LAMA2: variants seen among roughly 807,000 people sequenced by gnomAD.
The protein encoded by LAMA2 is laminin subunit alpha-2.
LAMA2 carries 269 observed loss-of-function variants against 364.8 expected under a neutral mutation model. The observed-to-expected ratio is 0.74, with a 90% CI of 0.67 to 0.82. LAMA2 has a LOEUF of 0.82. Ranked by LOEUF, LAMA2 falls within the 40% of genes least tolerant of loss-of-function variation. The pLI, the probability that LAMA2 is intolerant of heterozygous loss-of-function variation, is 0.00. For missense variants in LAMA2, 3,807 were observed against 3,873.2 expected, an observed-to-expected ratio of 0.98 and a Z score of 0.45; for synonymous variants, 1,379 against 1,370.6, an observed-to-expected ratio of 1.01 and a Z score of -0.14.
At chr6:129,293,800 A>T (rs973225679) in intron 20 of LAMA2, among the ~76,000 whole-genome samples, 2 of 152,216 alleles carry the variant, frequency 1.3e-5, no homozygotes, top group African/African-American at 4.8e-5. Flanking sequence ...GGAAATAAAA[A>T]GTAAAGAAGA....
intron 33 of LAMA2, among the ~76,000 whole-genome samples, chr6:129,367,068 A>G (rs898175175): frequency 6.6e-6 from 1 of 152,262 alleles, no homozygotes; most frequent in African/African-American, 2.4e-5. Context: ...ACACATGATT[A>G]GAATCTTGTA....
At chr6:129,196,967 G>A (rs752744103) in intron 12 of LAMA2, among the ~76,000 whole-genome samples, 3 of 152,046 alleles carry the variant, frequency 2.0e-5, no homozygotes, top group Non-Finnish European at 4.4e-5. Flanking sequence ...GGGAAGGGAC[G>A]ATTACACATT....
chr6:128,912,394 C>T (rs148932906), intron 1 of LAMA2, among the ~76,000 whole-genome samples: 1 of 152,168 alleles, frequency 6.6e-6, no homozygotes, highest in African/African-American at 2.4e-5. Context: ...TAAAAGTTGG[C>T]TCTATAGGGA....
chr6:129,289,429 G>A (rs1213437223), intron 19 of LAMA2, among the ~76,000 whole-genome samples: 3 of 152,112 alleles, frequency 2.0e-5, no homozygotes, highest in African/African-American at 4.8e-5. Context: ...TATCCAGTGA[G>A]TTCCCAAGTC....
chr6:129,450,382 C>T (rs924451995), intron 45 of LAMA2, among the ~76,000 whole-genome samples: 7 of 152,070 alleles, frequency 4.6e-5, no homozygotes, highest in South Asian at 2.1e-4. Context: ...TACAGTGGCA[C>T]GATCTCAGCT....
intron 41 of LAMA2, among the ~76,000 whole-genome samples, chr6:129,433,896 C>A (rs565909854): frequency 6.6e-6 from 1 of 152,262 alleles, no homozygotes; most frequent in Non-Finnish European, 1.5e-5. Context: ...CCAGCACTTT[C>A]TCATACATCT....
At chr6:128,987,126 G>GTTTTTTT (rs377549921) in intron 1 of LAMA2, among the ~76,000 whole-genome samples, 6 of 121,180 alleles carry the variant, frequency 5.0e-5, no homozygotes, top group East Asian at 3.1e-4. Context: ...AGGATAGTTT[G>GTTTTTTT]TTTTTTTTTT....
intron 1 of LAMA2, among the ~76,000 whole-genome samples, chr6:129,028,353 A>G (rs1474634629): frequency 2.0e-5 from 3 of 151,678 alleles, no homozygotes; most frequent in African/African-American, 7.2e-5. Flanking sequence ...TTTTGGGTCC[A>G]GCATTACATT....
intron 1 of LAMA2, among the ~76,000 whole-genome samples, chr6:128,886,182 G>GAT (rs1776138669): frequency 6.6e-6 from 1 of 152,108 alleles, no homozygotes; most frequent in Non-Finnish European, 1.5e-5. Context: ...GTCCAAAATT[G>GAT]ATAGAGGTGG....
intron 1 of LAMA2, among the ~76,000 whole-genome samples, chr6:128,971,440 A>C (rs1277405973): frequency 1.3e-5 from 2 of 152,148 alleles, no homozygotes; most frequent in African/African-American, 4.8e-5. Flanking sequence ...TGAATGTGGG[A>C]ATATGGAGGA....
At chr6:129,064,368 A>G (rs1789146773) in intron 3 of LAMA2, among the ~76,000 whole-genome samples, 1 of 151,402 alleles carries the variant, frequency 6.6e-6, no homozygotes, top group Non-Finnish European at 1.5e-5. Context: ...GAAAGCAAAA[A>G]AAAAAAAAAA....
intron 19 of LAMA2, among the ~76,000 whole-genome samples, chr6:129,290,781 T>C (rs1366431556): frequency 6.6e-6 from 1 of 152,166 alleles, no homozygotes; most frequent in East Asian, 1.9e-4. Context: ...CTCTACGTTT[T>C]AGAATAACCT....
intron 1 of LAMA2, among the ~76,000 whole-genome samples, chr6:128,970,206 G>A (rs750342622): frequency 6.6e-5 from 10 of 152,012 alleles, no homozygotes; most frequent in Non-Finnish European, 8.8e-5. Flanking sequence ...TTTAGCCACA[G>A]GTATTTTTTT....
At chr6:129,430,545 G>A (rs765867035) in intron 41 of LAMA2, among the ~76,000 whole-genome samples, 7 of 152,188 alleles carry the variant, frequency 4.6e-5, no homozygotes, top group Admixed American at 6.5e-5. Flanking sequence ...TGCACTGATC[G>A]AATGTTTGTG....
intron 6 of LAMA2, among the ~76,000 whole-genome samples, chr6:129,148,185 G>A (rs1583136135): frequency 6.6e-6 from 1 of 152,114 alleles, no homozygotes; most frequent in East Asian, 1.9e-4. Flanking sequence ...AAAAAGGAAT[G>A]AGATCATGTC....
At chr6:129,114,094 T>C (rs1275097402) in intron 4 of LAMA2, among the ~76,000 whole-genome samples, 2 of 151,956 alleles carry the variant, frequency 1.3e-5, no homozygotes, top group Non-Finnish European at 1.5e-5. Flanking sequence ...AGAAATAGCA[T>C]CTTCAGGCCC....
intron 61 of LAMA2, 142 bp downstream of exon 61, chr6:129,505,497 T>G: frequency 1.4e-6 from 1 of 703,520 alleles, no homozygotes; most frequent in Non-Finnish European, 2.5e-6. Context: ...ACAGAAGGGT[T>G]TGTTGTTTAT....
chr6:129,509,595 A>G (rs1786403612), intron 62 of LAMA2, among the ~76,000 whole-genome samples: 1 of 152,142 alleles, frequency 6.6e-6, no homozygotes. Flanking sequence ...TCCCTGCACC[A>G]TTTATTGAAG....
intron 12 of LAMA2, among the ~76,000 whole-genome samples, chr6:129,232,400 C>T (rs1784719284): frequency 6.6e-6 from 1 of 152,058 alleles, no homozygotes; most frequent in Non-Finnish European, 1.5e-5. Flanking sequence ...GTAAGCCTTC[C>T]TTTCCCAGGT....
Sources: gnomAD v4.1 joint callset for allele counts (sites outside exome capture counted in the v4.1 genomes callset) on GRCh38, gnomAD v4.1.1 for gene constraint, MANE v1.5 for transcripts, NCBI Gene and HGNC (gene_info 2026-07-23, HGNC 2026-07-21) for gene names.